The following RBPJ variants were observed in gnomAD, a reference collection of about 807,000 sequenced individuals.
The protein encoded by RBPJ is recombination signal binding protein for immunoglobulin kappa J region.
RBPJ carries 9 observed loss-of-function variants against 67.8 expected under a neutral mutation model. That is an observed-to-expected ratio of 0.13 (90% CI 0.08 to 0.23). The LOEUF (loss-of-function observed/expected upper bound fraction) is 0.23, where lower values mean the gene tolerates loss of function less well. Ranked by LOEUF, RBPJ falls within the 10% of genes least tolerant of loss-of-function variation. The probability of loss-of-function intolerance (pLI) is 1.00; values close to 1 mark genes in which losing one functional copy is unlikely to be tolerated. For missense variants in RBPJ, 305 were observed against 595.6 expected (o/e 0.51, Z 5.08); for synonymous variants, 198 against 203.3 (o/e 0.97, Z 0.22).
chr4:26,309,407 A>C (rs560795321), intron 1 of RBPJ, among the ~76,000 whole-genome samples: 1 of 152,342 alleles, frequency 6.6e-6, no homozygotes, highest in South Asian at 2.1e-4. Flanking sequence ...AAAACTGAAC[A>C]TGGGTATGGG....
At chr4:26,167,901 C>CT (rs1034736757) in intron 1 of RBPJ, among the ~76,000 whole-genome samples, 1 of 151,980 alleles carries the variant, frequency 6.6e-6, no homozygotes, top group African/African-American at 2.4e-5. Flanking sequence ...CAACCCCTGC[C>CT]TTTTTTTGTT....
At chr4:26,213,329 C>A (rs999793959) in intron 1 of RBPJ, among the ~76,000 whole-genome samples, 1 of 152,118 alleles carries the variant, frequency 6.6e-6, no homozygotes, top group African/African-American at 2.4e-5. Flanking sequence ...AAATTTCACA[C>A]CAAAGTCCTC....
At chr4:26,201,511 C>A (rs1717980147) in intron 1 of RBPJ, among the ~76,000 whole-genome samples, 1 of 152,034 alleles carries the variant, frequency 6.6e-6, no homozygotes, top group Non-Finnish European at 1.5e-5. Flanking sequence ...GGACTTTATC[C>A]TCATTTTCCA....
chr4:26,110,637 T>C, the RBPJ span, among the ~76,000 whole-genome samples: 1 of 152,200 alleles, frequency 6.6e-6, no homozygotes, highest in Non-Finnish European at 1.5e-5. This position sits in a 1 kb window ranked among gnomAD's most constrained non-coding sequence, Gnocchi z 4.5. Context: ...TCCAGTTCTC[T>C]TAGTGCAGGG....
At chr4:26,255,764 T>G (rs1255356280) in intron 1 of RBPJ, among the ~76,000 whole-genome samples, 9 of 143,160 alleles carry the variant, frequency 6.3e-5, no homozygotes, top group African/African-American at 2.1e-4. Context: ...ATCGTGCCAC[T>G]GCACTCCAGC....
intron 1 of RBPJ, among the ~76,000 whole-genome samples, chr4:26,203,005 GGAA>G (rs776439548): frequency 0.13 from 17,670 of 139,938 alleles, 1,319 homozygotes; most frequent in South Asian, 0.19. Flanking sequence ...AAGGAAGGAA[GGAA>G]AAAAGAAAAG....
intron 4 of RBPJ, 149 bp downstream of exon 4, chr4:26,415,789 C>A: frequency 1.4e-6 from 1 of 732,994 alleles, no homozygotes; most frequent in Non-Finnish European, 2.2e-6. Context: ...AAACATGCCT[C>A]TCATAGCTTT....
chr4:26,130,265 T>C, the RBPJ span, among the ~76,000 whole-genome samples: 10 of 152,178 alleles, frequency 6.6e-5, no homozygotes, highest in African/African-American at 2.4e-4. Flanking sequence ...CAGCACATAG[T>C]TCACCTCGAT....
chr4:26,197,956 T>C lies in RBPJ; in HGVS notation c.-167+34342T>C, dbSNP rs548054898. On this transcript the variant is annotated intron_variant, in intron 1 of 4. Coordinates refer to the RBPJ transcript ENST00000512351. ...ATATTACTTTGTGTAATTTTCATTA[T>C]AATACTATGAGGCAGGCCGGGCGCA... is the stretch of plus-strand genomic sequence containing the variant. Among the ~76,000 whole-genome samples, 121 of 152,272 alleles carry C rather than the reference T, an allele frequency of 7.9e-4. 1 individual carries two copies. The highest frequency in any genetic ancestry group is 2.8e-3 in the African/African-American group (115 of 41,564).
intron 2 of RBPJ, among the ~76,000 whole-genome samples, chr4:26,399,374 G>A (rs1167475780): frequency 6.6e-6 from 1 of 151,966 alleles, no homozygotes; most frequent in African/African-American, 2.4e-5. Context: ...ACCTTTACGC[G>A]GGGACCAGGT....
At chr4:26,153,829 C>T in the RBPJ span, among the ~76,000 whole-genome samples, 1 of 152,128 alleles carries the variant, frequency 6.6e-6, no homozygotes. Flanking sequence ...GAATTTTCCA[C>T]CTGTGCATCG....
upstream of RBPJ, chr4:26,319,640 C>T: frequency 1.6e-6 from 1 of 609,978 alleles, no homozygotes; most frequent in Non-Finnish European, 2.9e-6. Flanking sequence ...TTTCCCACGG[C>T]CGTGTTGTGT....
chr4:26,353,273 T>C (rs896387593), intron 1 of RBPJ, among the ~76,000 whole-genome samples: 8 of 152,378 alleles, frequency 5.3e-5, no homozygotes, highest in African/African-American at 1.9e-4. Context: ...CTATGCTGCC[T>C]ATGCAGCAGA....
At chr4:26,229,626 G>A (rs1367708666) in intron 1 of RBPJ, among the ~76,000 whole-genome samples, 1 of 152,152 alleles carries the variant, frequency 6.6e-6, no homozygotes, top group African/African-American at 2.4e-5. Context: ...AGTGAGACCA[G>A]AGCTGGGTTT....
At chr4:26,331,967 A>G (rs1251585792) in intron 1 of RBPJ, among the ~76,000 whole-genome samples, 1 of 152,190 alleles carries the variant, frequency 6.6e-6, no homozygotes, top group Non-Finnish European at 1.5e-5. Context: ...GAACATGATG[A>G]TGATGTGTGT....
intron 4 of RBPJ, among the ~76,000 whole-genome samples, chr4:26,418,606 CT>C (rs1734824827): frequency 3.9e-5 from 6 of 151,998 alleles, no homozygotes; most frequent in African/African-American, 1.4e-4. Flanking sequence ...GCCAATATGT[CT>C]TATTTATGCT....
chr4:26,344,324 TC>T (rs1725893310), intron 1 of RBPJ, among the ~76,000 whole-genome samples: 2 of 152,324 alleles, frequency 1.3e-5, no homozygotes, highest in Admixed American at 6.5e-5. Context: ...AAGCTCTGCC[TC>T]CCGGGTTCAC....
chr4:26,402,657 G>A (rs1207028834), intron 2 of RBPJ, among the ~76,000 whole-genome samples: 6 of 152,106 alleles, frequency 3.9e-5, no homozygotes, highest in African/African-American at 1.4e-4. Context: ...CAGCACCTGA[G>A]GCTGGTTTCA....
intron 1 of RBPJ, chr4:26,362,699 T>A: frequency 8.5e-7 from 1 of 1,181,900 alleles, no homozygotes; most frequent in Non-Finnish European, 1.3e-6. Flanking sequence ...CTGTATTTAG[T>A]TAATGCATAT....
Sources: allele counts gnomAD v4.1 joint callset (sites outside exome capture counted in the v4.1 genomes callset), GRCh38; gene constraint gnomAD v4.1.1; non-coding constraint Gnocchi (gnomAD v3.1); transcripts MANE v1.5; gene names NCBI Gene and HGNC (gene_info 2026-07-23, HGNC 2026-07-21).